The following SPOCK3 variants were observed in gnomAD, a reference collection of about 807,000 sequenced individuals.
SPOCK3 encodes the protein testican-3.
A neutral mutation model predicts 56.6 loss-of-function variants in SPOCK3; 30 were observed. The ratio of observed to expected loss-of-function variants is 0.53; its 90% CI spans 0.40 to 0.72. The LOEUF is 0.72. Ranked by LOEUF, SPOCK3 falls within the 30% of genes least tolerant of loss-of-function variation. The pLI, the probability that SPOCK3 is intolerant of heterozygous loss-of-function variation, is 0.00. For synonymous variants in SPOCK3, 196 were observed against 183.3 expected (o/e 1.07, Z -0.56); for missense variants, 527 against 530.0 (o/e 0.99, Z 0.06).
chr4:167,233,892 C>T, intron 2 of SPOCK3, 93 bp downstream of exon 2: 1 of 1,103,130 alleles, frequency 9.1e-7, no homozygotes, highest in Non-Finnish European at 1.4e-6. Flanking sequence ...CCTCAGAAAA[C>T]GGAGCCCACT....
intron 4 of SPOCK3, among the ~76,000 whole-genome samples, chr4:166,984,133 C>T (rs1200363195): frequency 6.6e-6 from 1 of 151,974 alleles, no homozygotes; most frequent in Non-Finnish European, 1.5e-5. Flanking sequence ...TCTCTCTTTA[C>T]CTAGAGAAGG....
At chr4:167,061,399 C>T (rs1755595085) in intron 3 of SPOCK3, among the ~76,000 whole-genome samples, 3 of 151,896 alleles carry the variant, frequency 2.0e-5, no homozygotes, top group Admixed American at 2.0e-4. Context: ...ATGCTGATCT[C>T]ACAAACAAAC....
intron 2 of SPOCK3, among the ~76,000 whole-genome samples, chr4:167,173,009 A>G (rs1730645550): frequency 1.3e-5 from 2 of 152,162 alleles, no homozygotes; most frequent in South Asian, 4.1e-4. Context: ...GGAAATGTAT[A>G]GAGCCATATG....
At chr4:167,188,357 A>G (rs908770541) in intron 2 of SPOCK3, among the ~76,000 whole-genome samples, 3 of 146,142 alleles carry the variant, frequency 2.1e-5, no homozygotes, top group African/African-American at 7.9e-5. Context: ...CATACAAAAG[A>G]GGAAAAGAGG....
At chr4:167,174,174 A>ACAGCAGT (rs1730758641) in intron 2 of SPOCK3, among the ~76,000 whole-genome samples, 1 of 152,146 alleles carries the variant, frequency 6.6e-6, no homozygotes, top group African/African-American at 2.4e-5. Context: ...ATTAATGTAA[A>ACAGCAGT]CAGCAGTCAT....
At chr4:166,859,397 T>C (rs1027871367) in intron 6 of SPOCK3, among the ~76,000 whole-genome samples, 5 of 152,190 alleles carry the variant, frequency 3.3e-5, no homozygotes, top group Admixed American at 2.6e-4. Flanking sequence ...ACATCTATTC[T>C]GTGGGAGCAA....
intron 2 of SPOCK3, among the ~76,000 whole-genome samples, chr4:167,197,919 A>G (rs1010633172): frequency 2.6e-5 from 4 of 152,178 alleles, no homozygotes; most frequent in Non-Finnish European, 5.9e-5. Context: ...CGATTCCAAA[A>G]GGGCCAACCA....
chr4:167,097,989 C>T (rs1328025834), intron 2 of SPOCK3, among the ~76,000 whole-genome samples: 2 of 151,906 alleles, frequency 1.3e-5, no homozygotes, highest in Admixed American at 1.3e-4. Flanking sequence ...TTTTAGTGTG[C>T]TTGTGTCTCT....
At chr4:167,160,331 A>C (rs1288366403) in intron 2 of SPOCK3, among the ~76,000 whole-genome samples, 119 of 152,122 alleles carry the variant, frequency 7.8e-4, no homozygotes, top group Non-Finnish European at 1.1e-3. Context: ...ATCCAACTTA[A>C]AAGGGATGTG....
At chr4:167,098,055 T>C (rs1759312167) in intron 2 of SPOCK3, among the ~76,000 whole-genome samples, 1 of 152,040 alleles carries the variant, frequency 6.6e-6, no homozygotes, top group Admixed American at 6.6e-5. Context: ...CCTAACACCT[T>C]ATCTTAGGTG....
chr4:166,832,350 A>G (rs930095327), intron 6 of SPOCK3, among the ~76,000 whole-genome samples: 1 of 152,014 alleles, frequency 6.6e-6, no homozygotes, highest in Admixed American at 6.6e-5. Flanking sequence ...AAAGCAAAAC[A>G]ATAATGAGGC....
chr4:167,074,705 T>C (rs562567164), intron 2 of SPOCK3, among the ~76,000 whole-genome samples: 6 of 152,040 alleles, frequency 3.9e-5, no homozygotes, highest in African/African-American at 1.2e-4. Context: ...GTAGGGATCA[T>C]GGCAGCCATT....
intron 7 of SPOCK3, among the ~76,000 whole-genome samples, chr4:166,789,700 T>C (rs1741132129): frequency 6.6e-6 from 1 of 152,156 alleles, no homozygotes; most frequent in Non-Finnish European, 1.5e-5. Flanking sequence ...TCACTACTAA[T>C]AAATAAAATA....
chr4:166,877,274 G>A (rs1733195465), intron 6 of SPOCK3, among the ~76,000 whole-genome samples: 1 of 152,106 alleles, frequency 6.6e-6, no homozygotes, highest in South Asian at 2.1e-4. Context: ...TACTGATTGT[G>A]ATTCAAAAAG....
chr4:167,201,649 T>C (rs1021091581), intron 2 of SPOCK3, among the ~76,000 whole-genome samples: 12 of 151,922 alleles, frequency 7.9e-5, no homozygotes, highest in Admixed American at 7.2e-4. Context: ...AAAACACATT[T>C]ACTGAATTAT....
chr4:166,773,666 T>G (rs566911755), intron 7 of SPOCK3, among the ~76,000 whole-genome samples: 12 of 152,342 alleles, frequency 7.9e-5, no homozygotes, highest in African/African-American at 2.9e-4. Context: ...TCAGCTGATT[T>G]TTTTCTAGTC....
chr4:166,770,722 G>A (rs1738820273), intron 7 of SPOCK3, among the ~76,000 whole-genome samples: 1 of 152,142 alleles, frequency 6.6e-6, no homozygotes, highest in South Asian at 2.1e-4. Flanking sequence ...TAAAAAGGTA[G>A]AGATTGTCAG....
At chr4:167,092,756 C>A (rs1758810174) in intron 2 of SPOCK3, among the ~76,000 whole-genome samples, 1 of 151,926 alleles carries the variant, frequency 6.6e-6, no homozygotes, top group African/African-American at 2.4e-5. Context: ...GTAAAATGTC[C>A]AACAGTGAAG....
chr4:166,993,971 G>T (rs192116862), intron 4 of SPOCK3, among the ~76,000 whole-genome samples: 1 of 152,218 alleles, frequency 6.6e-6, no homozygotes, highest in Non-Finnish European at 1.5e-5. Flanking sequence ...CTAAGTCTGG[G>T]ATAATTTAAT....
Sources: allele counts gnomAD v4.1 joint callset (sites outside exome capture counted in the v4.1 genomes callset), GRCh38; gene constraint gnomAD v4.1.1; transcripts MANE v1.5; gene names NCBI Gene and HGNC (gene_info 2026-07-23, HGNC 2026-07-21).